ADCY8: variants seen among roughly 807,000 people sequenced by gnomAD.
ADCY8 encodes the protein adenylate cyclase type 8.
In ADCY8, 51 loss-of-function variants were observed where a neutral mutation model predicts 119.7. That is an observed-to-expected ratio of 0.43 (90% CI 0.34 to 0.54). ADCY8 has a LOEUF of 0.54. Among genes scored for constraint, ADCY8 ranks in the 20% least tolerant of loss-of-function variants. The pLI, the probability that ADCY8 is intolerant of heterozygous loss-of-function variation, is 0.03. For missense variants in ADCY8, 1,383 were observed against 1,598.8 expected (o/e 0.87, Z 2.30); for synonymous variants, 665 against 651.0 (o/e 1.02, Z -0.33).
chr8:130,903,158 T>C (rs1017951769), intron 7 of ADCY8, among the ~76,000 whole-genome samples: 5 of 152,156 alleles, frequency 3.3e-5, no homozygotes, highest in Non-Finnish European at 7.3e-5. Context: ...ATTTTGGTTA[T>C]TGGTGATCTA....
At chr8:131,018,629 G>A (rs1022789726) in intron 1 of ADCY8, among the ~76,000 whole-genome samples, 5 of 152,144 alleles carry the variant, frequency 3.3e-5, no homozygotes, top group Non-Finnish European at 7.4e-5. Context: ...GACTTTACCT[G>A]CATTGTCTCT....
intron 8 of ADCY8, among the ~76,000 whole-genome samples, chr8:130,870,073 G>T (rs186935273): frequency 0.011 from 1,686 of 149,218 alleles, 41 homozygotes; most frequent in African/African-American, 0.039. Flanking sequence ...GAGTGCAGTG[G>T]TGCAATCTCG....
intron 8 of ADCY8, among the ~76,000 whole-genome samples, chr8:130,879,566 TGTGAATTC>T (rs1818692809): frequency 6.6e-6 from 1 of 152,194 alleles, no homozygotes; most frequent in South Asian, 2.1e-4. Context: ...TATTTTTAAA[TGTGAATTC>T]TCTTTCACCC....
chr8:130,865,426 T>C (rs568567021), intron 9 of ADCY8, among the ~76,000 whole-genome samples: 22 of 152,214 alleles, frequency 1.4e-4, no homozygotes, highest in African/African-American at 5.3e-4. Flanking sequence ...TTTCATGTCT[T>C]GAACAACATT....
intron 8 of ADCY8, among the ~76,000 whole-genome samples, chr8:130,882,591 A>G (rs1818818141): frequency 6.6e-6 from 1 of 152,192 alleles, no homozygotes; most frequent in Non-Finnish European, 1.5e-5. Flanking sequence ...TGGTAGGCTC[A>G]GATTCCAGTC....
chr8:130,884,982 A>T (rs1321224732), intron 7 of ADCY8, among the ~76,000 whole-genome samples: 1 of 152,198 alleles, frequency 6.6e-6, no homozygotes, highest in Non-Finnish European at 1.5e-5. Context: ...TTCTCTATGT[A>T]GGCACACTGA....
At chr8:131,002,472 C>G (rs957682948) in intron 1 of ADCY8, among the ~76,000 whole-genome samples, 16 of 152,194 alleles carry the variant, frequency 1.1e-4, no homozygotes, top group African/African-American at 3.1e-4. Context: ...GAAGGACAAA[C>G]AGTTCCCACC....
At chr8:131,025,591 G>A (rs144707527) in intron 1 of ADCY8, among the ~76,000 whole-genome samples, 11 of 152,282 alleles carry the variant, frequency 7.2e-5, no homozygotes, top group African/African-American at 2.6e-4. Context: ...TAACAGTAGA[G>A]ACAAATAAAT....
chr8:130,901,593 C>T (rs764743587), intron 7 of ADCY8, among the ~76,000 whole-genome samples: 1 of 152,142 alleles, frequency 6.6e-6, no homozygotes, highest in East Asian at 1.9e-4. Context: ...CTTCCAGGGA[C>T]AAATTATGTC....
At chr8:130,894,710 T>C (rs1294889793) in intron 7 of ADCY8, among the ~76,000 whole-genome samples, 1 of 152,144 alleles carries the variant, frequency 6.6e-6, no homozygotes, top group Non-Finnish European at 1.5e-5. Flanking sequence ...AAGAAGTACA[T>C]ATATAAGTAC....
At chr8:130,929,362 A>T (rs1232110280) in intron 5 of ADCY8, among the ~76,000 whole-genome samples, 1 of 152,164 alleles carries the variant, frequency 6.6e-6, no homozygotes, top group East Asian at 1.9e-4. Context: ...AAGAAATTTT[A>T]AAATTTTCCT....
In ADCY8 at chr8:131,039,491, G is replaced by A. The variant is rs1248889727; in HGVS notation, c.843C>T (p.Thr281=). 15 of 1,613,974 alleles carry A rather than the reference G, an allele frequency of 9.3e-6. No homozygotes were observed. The Admixed American group carries it at 2.5e-4, about 27-fold the overall frequency. The change falls in exon 1 of 18, where the codon ACC becomes ACT. Residue 281 remains threonine, a synonymous_variant. Coordinates refer to ENST00000286355, the MANE Select transcript of ADCY8 (RefSeq NM_001115.3). ...TGAGCGGCAGCGGCAGCATACTGTA[G>A]GTGGCGAAGAGCGTGAAGAGCACGT... ...IGYVLFTLFA[T]YSMLPLPLTW... is the part of the protein sequence containing the mutation.
At chr8:131,029,318 A>G (rs1237796691) in intron 1 of ADCY8, among the ~76,000 whole-genome samples, 1 of 152,188 alleles carries the variant, frequency 6.6e-6, no homozygotes, top group Non-Finnish European at 1.5e-5. Flanking sequence ...AATAACAGAG[A>G]TAAAATACAC....
chr8:130,953,180 G>A (rs992856633), intron 2 of ADCY8, among the ~76,000 whole-genome samples: 1 of 152,054 alleles, frequency 6.6e-6, no homozygotes, highest in African/African-American at 2.4e-5. Flanking sequence ...ATAGAAAATA[G>A]GGTAATTATC....
At chr8:131,012,233 G>C (rs1032842756) in intron 1 of ADCY8, among the ~76,000 whole-genome samples, 1 of 152,120 alleles carries the variant, frequency 6.6e-6, no homozygotes, top group Admixed American at 6.5e-5. Flanking sequence ...ATCTGGAATG[G>C]GTTCTTCTAT....
At chr8:130,935,722 C>T (rs1161283237) in intron 5 of ADCY8, among the ~76,000 whole-genome samples, 1 of 152,216 alleles carries the variant, frequency 6.6e-6, no homozygotes, top group Non-Finnish European at 1.5e-5. Context: ...TGCCCACTGC[C>T]TTCTTTCAAC....
chr8:131,022,661 A>G (rs535843875), intron 1 of ADCY8, among the ~76,000 whole-genome samples: 1 of 152,214 alleles, frequency 6.6e-6, no homozygotes. Context: ...GCCAGGTAAA[A>G]GAATGAACCA....
intron 5 of ADCY8, among the ~76,000 whole-genome samples, chr8:130,928,717 A>C (rs1158634707): frequency 6.6e-6 from 1 of 152,142 alleles, no homozygotes; most frequent in Non-Finnish European, 1.5e-5. Context: ...AAAATCAGGA[A>C]TATTTTTGTA....
chr8:130,794,176 T>G (rs1815507658), intron 15 of ADCY8, among the ~76,000 whole-genome samples: 1 of 152,168 alleles, frequency 6.6e-6, no homozygotes, highest in Non-Finnish European at 1.5e-5. Context: ...AGCAGGGCCC[T>G]GCTCACCCCT....
Sources: gnomAD v4.1 joint callset for allele counts (sites outside exome capture counted in the v4.1 genomes callset) on GRCh38, gnomAD v4.1.1 for gene constraint, MANE v1.5 for transcripts, NCBI Gene and HGNC (gene_info 2026-07-23, HGNC 2026-07-21) for gene names.